SUSD5: variants seen among roughly 807,000 people sequenced by gnomAD.
The protein encoded by SUSD5 is sushi domain containing 5.
SUSD5 carries 33 observed loss-of-function variants against 29.5 expected under a neutral mutation model. That is an observed-to-expected ratio of 1.12 (90% confidence interval 0.85 to 1.49). The LOEUF (loss-of-function observed/expected upper bound fraction) is 1.49. Ranked by LOEUF, SUSD5 falls within the 40% of genes most tolerant of loss-of-function variation. The pLI is 0.00. For synonymous variants in SUSD5, 308 were observed against 325.3 expected (o/e 0.95, Z 0.57); for missense variants, 776 against 800.6 (o/e 0.97, Z 0.37).
chr3:33,181,574 T>C (rs914398800), intron 3 of SUSD5, among the ~76,000 whole-genome samples: 8 of 152,064 alleles, frequency 5.3e-5, no homozygotes, highest in Non-Finnish European at 7.4e-5. Flanking sequence ...GGTTTCCATA[T>C]GTTGCCCAGG....
intron 4 of SUSD5, among the ~76,000 whole-genome samples, chr3:33,169,821 C>G: frequency 6.6e-6 from 1 of 152,216 alleles, no homozygotes; most frequent in Non-Finnish European, 1.5e-5. Flanking sequence ...GCCCAGAAAG[C>G]AACAAACAGA....
chr3:33,195,841 T>C (rs1220646970), intron 3 of SUSD5, among the ~76,000 whole-genome samples: 4 of 152,128 alleles, frequency 2.6e-5, no homozygotes, highest in African/African-American at 7.2e-5. Context: ...AGACTCATGC[T>C]AAAATACTTG....
At chr3:33,173,926 T>A (rs2125620351) in intron 4 of SUSD5, among the ~76,000 whole-genome samples, 1 of 152,278 alleles carries the variant, frequency 6.6e-6, no homozygotes, top group South Asian at 2.1e-4. Flanking sequence ...CAGGCCTGGC[T>A]GTGGCTGGAC....
chr3:33,214,861 C>T (rs1351194003), intron 1 of SUSD5, among the ~76,000 whole-genome samples: 1 of 152,042 alleles, frequency 6.6e-6, no homozygotes, highest in Non-Finnish European at 1.5e-5. Flanking sequence ...GAAGCAATGC[C>T]TTGGGTGGCC....
intron 4 of SUSD5, among the ~76,000 whole-genome samples, chr3:33,158,336 G>A (rs188436964): frequency 6.6e-6 from 1 of 152,260 alleles, no homozygotes; most frequent in Non-Finnish European, 1.5e-5. Flanking sequence ...ACACACAGGT[G>A]TGCACCACAT....
intron 4 of SUSD5, among the ~76,000 whole-genome samples, chr3:33,161,467 C>A (rs374841585): frequency 1.9e-3 from 281 of 150,108 alleles, no homozygotes; most frequent in Non-Finnish European, 3.2e-3. Context: ...GAAAAAGGAA[C>A]AAAGGACAAA....
chr3:33,163,197 T>A (rs1423410334), intron 4 of SUSD5, among the ~76,000 whole-genome samples: 8 of 152,080 alleles, frequency 5.3e-5, no homozygotes, highest in Non-Finnish European at 1.2e-4. Flanking sequence ...ATATATACAG[T>A]GTAACCTTGG....
At chr3:33,154,702 G>A (rs139757640) in intron 4 of SUSD5, among the ~76,000 whole-genome samples, 16 of 151,654 alleles carry the variant, frequency 1.1e-4, no homozygotes, top group African/African-American at 3.6e-4. Context: ...CAAACACATA[G>A]GAATAAATCT....
At position 33,152,862 on chromosome 3, in the gene SUSD5, T is replaced by A. The variant is rs182272013; in HGVS notation, c.1770A>T (p.Ala590=). 1.8e-5 allele frequency: 29 copies of A among 1,613,854 alleles called. No individual in the cohort carries two copies. The South Asian group carries it at 2.3e-4, about 13-fold the overall frequency. The stretch of plus-strand genomic sequence containing the variant: ...GGTAGCCCCACACCATCCCCACACC[T>A]GCCAGGAGCAGCAGTAGGCACAGGA... ...VTVLCLLLLL[A]GVGMVWGYRK... The change falls in exon 5 of 5, where the codon GCA becomes GCT. Residue 590 remains alanine (A), a synonymous_variant. Transcript: ENST00000309558.
At chr3:33,166,724 T>C (rs772840003) in intron 4 of SUSD5, among the ~76,000 whole-genome samples, 33 of 152,180 alleles carry the variant, frequency 2.2e-4, no homozygotes, top group Non-Finnish European at 4.3e-4. Flanking sequence ...AGAGATGAAT[T>C]AGTGGGTGTG....
intron 1 of SUSD5, among the ~76,000 whole-genome samples, chr3:33,216,320 A>G (rs747381887): frequency 1.5e-4 from 23 of 152,158 alleles, no homozygotes; most frequent in Non-Finnish European, 2.9e-4. Context: ...TTATCTACCA[A>G]ACAAATTAAA....
At chr3:33,207,753 T>C in intron 3 of SUSD5, 55 bp downstream of exon 3, 2 of 1,217,790 alleles carry the variant, frequency 1.6e-6, no homozygotes, top group East Asian at 2.5e-5. Flanking sequence ...CAACCTCATA[T>C]AGCAATCCCC....
chr3:33,218,469 G>A (rs547307606), intron 1 of SUSD5, among the ~76,000 whole-genome samples: 2 of 152,328 alleles, frequency 1.3e-5, no homozygotes, highest in South Asian at 2.1e-4. Context: ...CTAAGGGAGG[G>A]TCCAGGCACC....
chr3:33,183,244 T>C (rs961736567), intron 3 of SUSD5, among the ~76,000 whole-genome samples: 3 of 152,208 alleles, frequency 2.0e-5, no homozygotes, highest in African/African-American at 2.4e-5. Flanking sequence ...TGATCATTGA[T>C]ATAATTGGAT....
In SUSD5 at chr3:33,150,467, C is replaced by T. The variant is rs970277433; in HGVS notation, c.*2275G>A. On this transcript the variant is annotated 3_prime_UTR_variant, in exon 5 of 5. Coordinates refer to ENST00000309558, the MANE Select transcript of SUSD5 (RefSeq NM_015551.2). ...TGCTAACACAGTCCCAATGCTGAGA[C>T]AGAGGTTATTTTATATAGTTAAAAA... The T allele has an allele frequency of 6.6e-5, 10 of 152,160 alleles. No homozygotes were observed. Among genetic ancestry groups the T allele is most frequent in the African/African-American group, 2.4e-4 (10 of 41,430 alleles). The allele number at this position is 152,160 out of a possible 1,614,324, so 9.4% of individuals were successfully genotyped here. A position where few individuals can be genotyped will look rare whatever the true frequency, so the allele number is the denominator to read the frequency against.
intron 4 of SUSD5, 146 bp downstream of exon 4, chr3:33,174,740 G>A (rs1255063972): frequency 1.1e-5 from 9 of 790,562 alleles, no homozygotes; most frequent in Non-Finnish European, 1.8e-5. Context: ...GATGTTGCTA[G>A]GTCCAGAGCT....
chr3:33,184,591 G>A (rs972282466), intron 3 of SUSD5, among the ~76,000 whole-genome samples: 1 of 151,744 alleles, frequency 6.6e-6, no homozygotes, highest in African/African-American at 2.4e-5. Context: ...CATAGTTCTT[G>A]GATATTCTGT....
At chr3:33,182,310 A>T (rs1439079604) in intron 3 of SUSD5, among the ~76,000 whole-genome samples, 2 of 152,198 alleles carry the variant, frequency 1.3e-5, no homozygotes, top group Admixed American at 1.3e-4. Context: ...CCTATTCTTT[A>T]AAATTTGTTA....
intron 3 of SUSD5, among the ~76,000 whole-genome samples, chr3:33,180,376 T>A (rs1257838497): frequency 6.6e-6 from 1 of 152,208 alleles, no homozygotes; most frequent in Non-Finnish European, 1.5e-5. Context: ...AAAAAATTTT[T>A]TTGAGACATG....
Sources: allele counts gnomAD v4.1 joint callset (sites outside exome capture counted in the v4.1 genomes callset), GRCh38; gene constraint gnomAD v4.1.1; transcripts MANE v1.5; gene names NCBI Gene and HGNC (gene_info 2026-07-23, HGNC 2026-07-21).